PLB1: variants seen among roughly 807,000 people sequenced by gnomAD.
PLB1 encodes the protein phospholipase B1, also known as phospholipase B1, membrane-associated.
In PLB1, 242 loss-of-function variants were observed where a neutral mutation model predicts 227.4. The ratio of observed to expected loss-of-function variants is 1.06; its 90% CI spans 0.96 to 1.18. The LOEUF is 1.18. Among genes scored for constraint, PLB1 ranks in the 50% most tolerant of loss-of-function variants. The probability of loss-of-function intolerance (pLI) is 0.00; values close to 1 mark genes in which losing one functional copy is unlikely to be tolerated. For synonymous variants in PLB1, 757 were observed against 682.2 expected, an observed-to-expected ratio of 1.11 and a Z score of -1.71; for missense variants, 1,858 against 1,816.3, an observed-to-expected ratio of 1.02 and a Z score of -0.42.
intron 18 of PLB1, among the ~76,000 whole-genome samples, chr2:28,565,039 T>C (rs1676647487): frequency 6.6e-6 from 1 of 152,234 alleles, no homozygotes; most frequent in African/African-American, 2.4e-5. Context: ...GGTCTTGGCC[T>C]AGGCAGGGTT....
At chr2:28,533,471 A>T (rs112233960) in intron 9 of PLB1, among the ~76,000 whole-genome samples, 13 of 152,326 alleles carry the variant, frequency 8.5e-5, no homozygotes, top group African/African-American at 3.1e-4. Context: ...ATGCTCAAGC[A>T]TTTAGACATT....
chr2:28,597,508 AGC>A (rs1315511802), intron 33 of PLB1, among the ~76,000 whole-genome samples: 4 of 152,194 alleles, frequency 2.6e-5, no homozygotes, highest in South Asian at 2.1e-4. Context: ...AAAGGTAGTG[AGC>A]AGCCACCCTT....
intron 37 of PLB1, 137 bp downstream of exon 37, chr2:28,601,469 CCACACACACACA>C (rs3071740): frequency 1.8e-4 from 110 of 600,272 alleles, no homozygotes; most frequent in South Asian, 1.5e-3. Context: ...TATACACATA[CCACACACACACA>C]CACACACACA....
chr2:28,638,222 C>T (rs1689591376), intron 56 of PLB1, among the ~76,000 whole-genome samples: 1 of 151,676 alleles, frequency 6.6e-6, no homozygotes, highest in Admixed American at 6.6e-5. Context: ...TGATGTGATA[C>T]AGAGTAATGG....
rs148017311 is a variant in PLB1 at position 28,602,872 on chromosome 2, C to T, written c.2725C>T (p.Arg909Trp). The T allele has an allele frequency of 5.5e-5, 89 of 1,614,192 alleles. No individual in the cohort carries two copies. The African/African-American group carries it at 6.4e-4, about 12-fold the overall frequency. The change falls in exon 39 of 58, where the codon CGG (arginine) becomes TGG (tryptophan). Residue 909 changes from arginine to tryptophan, a missense_variant. By Grantham distance (101) the Arg-to-Trp change is moderately radical (BLOSUM62 -3). Coordinates refer to ENST00000327757, the MANE Select transcript of PLB1 (RefSeq NM_153021.5). ...GGACTTCCTGAACCCCACTATCATG[C>T]GGCAGGTGTTCCTGGGAAACCCAGA... ...LVDFLNPTIM[R>W]QVFLGNPDKC... is the part of the protein sequence containing the mutation.
chr2:28,574,824 A>T (rs11687112), intron 21 of PLB1, among the ~76,000 whole-genome samples: 1,991 of 152,262 alleles, frequency 0.013, 36 homozygotes, highest in South Asian at 0.05. Flanking sequence ...AGCTCCATCC[A>T]AGTTGCTGCA....
intron 46 of PLB1, 42 bp downstream of exon 46, chr2:28,618,441 C>T (rs1419674457): frequency 1.3e-6 from 2 of 1,583,960 alleles, no homozygotes; most frequent in Non-Finnish European, 1.7e-6. Flanking sequence ...GCTCAGAGTC[C>T]AGCCAGGCCC....
chr2:28,557,609 T>G (rs541315456), intron 17 of PLB1, among the ~76,000 whole-genome samples: 1 of 152,304 alleles, frequency 6.6e-6, no homozygotes, highest in East Asian at 1.9e-4. Flanking sequence ...TTCCTTGCTA[T>G]TTGTGATGCT....
At position 28,583,888 on chromosome 2, in the gene PLB1, C is replaced by CA. The variant is rs1286812581; in HGVS notation, c.1733+1386dup. Among the ~76,000 whole-genome samples, 4 of 152,148 alleles carry CA rather than the reference C, an allele frequency of 2.6e-5. No homozygotes were observed. The South Asian group carries it at 8.3e-4, about 32-fold the overall frequency. ...TCTGAAATCTGAAATGCTTCTGGCT[C>CA]AAAGCATTTCAGATAAGGGAGACCC... On this transcript the variant is annotated intron_variant, in intron 25 of 57. Transcript: ENST00000327757.
intron 17 of PLB1, 77 bp downstream of exon 17, chr2:28,553,068 C>A: frequency 8.0e-7 from 1 of 1,249,302 alleles, no homozygotes; most frequent in Non-Finnish European, 1.2e-6. Context: ...TCCACATAAC[C>A]TGAAATACTC....
At chr2:28,638,827 GAAAAAAAAAA>G (rs35972276) in intron 56 of PLB1, among the ~76,000 whole-genome samples, 1 of 63,620 alleles carries the variant, frequency 1.6e-5, no homozygotes, top group African/African-American at 6.4e-5. Context: ...GCTGGAGATT[GAAAAAAAAAA>G]AAAAAAAAAA....
At chr2:28,501,001 A>G (rs1558622745) in intron 1 of PLB1, among the ~76,000 whole-genome samples, 3 of 152,188 alleles carry the variant, frequency 2.0e-5, no homozygotes, top group East Asian at 1.9e-4. Flanking sequence ...CAAGGCTTCC[A>G]TTGGTAGGGG....
chr2:28,517,996 C>T (rs1669050535), intron 2 of PLB1, among the ~76,000 whole-genome samples: 1 of 151,832 alleles, frequency 6.6e-6, no homozygotes, highest in South Asian at 2.1e-4. Context: ...GCCTCAGCCT[C>T]CCAAGTAACT....
chr2:28,566,806 GATGAGAAC>G lies in PLB1; in HGVS notation c.1294_1301del (p.Glu432ArgfsTer31), dbSNP rs766962814. 1.9e-6 allele frequency: 3 copies of G among 1,614,172 alleles called. No individual in the cohort carries two copies. The highest frequency in any genetic ancestry group is 2.5e-6 in the Non-Finnish European group (3 of 1,180,032). On this transcript the variant is annotated frameshift_variant, in exon 20 of 58. Coordinates refer to ENST00000327757, the MANE Select transcript of PLB1 (RefSeq NM_153021.5). LOFTEE classifies it high-confidence loss of function. ...GGACCCACGTTACAGCGTCGGCGGA[GATGAGAAC>G]ATCGGCACCGTTACCACCCTGGCGA...
At position 28,614,095 on chromosome 2, in the gene PLB1, A is replaced by T. The variant is rs745968052; in HGVS notation, c.3194A>T (p.Glu1065Val). 3 of 1,610,980 alleles carry T rather than the reference A, an allele frequency of 1.9e-6. No individual in the cohort carries two copies. Among genetic ancestry groups the T allele is most frequent in the Non-Finnish European group, 2.5e-6 (3 of 1,177,202 alleles). The change falls in exon 44 of 58, where the codon GAG (glutamate) becomes GTG (valine). Residue 1065 changes from glutamate to valine, a missense_variant and splice_region_variant. Coordinates refer to ENST00000327757, the MANE Select transcript of PLB1 (RefSeq NM_153021.5). ...NYTYPIKPAI[E>V]NWGSDFLCTE... is the part of the protein sequence containing the mutation. ...ACGTACCCCATCAAGCCAGCCATTG[A>T]GGTAACCCCTGACTCACATCTGCCT... is the stretch of plus-strand genomic sequence containing the variant.
At chr2:28,570,162 T>G (rs564386482) in intron 20 of PLB1, among the ~76,000 whole-genome samples, 3 of 152,270 alleles carry the variant, frequency 2.0e-5, no homozygotes, top group Admixed American at 2.0e-4. Flanking sequence ...GAAGGAATGC[T>G]TCACAACTCA....
At chr2:28,593,956 T>TTTC (rs1682453097) in intron 33 of PLB1, 1 of 732,088 alleles carries the variant, frequency 1.4e-6, no homozygotes, top group Non-Finnish European at 2.5e-6. Flanking sequence ...TCTTTTTTTT[T>TTTC]TTTTTGATTG....
At chr2:28,631,858 G>A (rs1488133093) in intron 54 of PLB1, among the ~76,000 whole-genome samples, 178 bp from the exon 55 acceptor site, 2 of 152,214 alleles carry the variant, frequency 1.3e-5, no homozygotes, top group African/African-American at 2.4e-5. Flanking sequence ...TGAAATGTCC[G>A]TGCCCATGAA....
At position 28,540,419 on chromosome 2, in the gene PLB1, T is replaced by C. The variant is rs913762886; in HGVS notation, c.752T>C (p.Val251Ala). 6.2e-7 allele frequency: 1 copy of C among 1,613,960 alleles called. No individual in the cohort carries two copies. Among genetic ancestry groups the C allele is most frequent in the African/African-American group, 1.3e-5 (1 of 75,014 alleles). Reference sequence around the variant, plus strand: ...GAGGAGACCACCCGGCTGGCCAAGGTGGTGATGCAGTGGTCTTATCAGGTG... The same window carrying C: ...GAGGAGACCACCCGGCTGGCCAAGGCGGTGATGCAGTGGTCTTATCAGGTG... ...CSEETTRLAKVVMQWSYQEAW... is the reference protein window; with the variant it reads ...CSEETTRLAKAVMQWSYQEAW... Residue 251 changes from valine to alanine, a missense_variant, in exon 12 of 58, where the codon GTG becomes GCG. Coordinates refer to ENST00000327757, the MANE Select transcript of PLB1 (RefSeq NM_153021.5).
Sources: gnomAD v4.1 joint callset for allele counts (sites outside exome capture counted in the v4.1 genomes callset) on GRCh38, gnomAD v4.1.1 for gene constraint, MANE v1.5 for transcripts, NCBI Gene and HGNC (gene_info 2026-07-23, HGNC 2026-07-21) for gene names.